Variants in FBXO11 observed in about 807,000 individuals in gnomAD.
FBXO11 encodes the protein F-box protein 11.
In FBXO11, 13 loss-of-function variants were observed where a neutral mutation model predicts 117.0. That is an observed-to-expected ratio of 0.11 (90% CI 0.07 to 0.18). FBXO11 has a LOEUF of 0.18. Among genes scored for constraint, FBXO11 ranks in the 10% least tolerant of loss-of-function variants. FBXO11 has a pLI of 1.00. For synonymous variants in FBXO11, 490 were observed against 380.5 expected (o/e 1.29, Z -3.35); for missense variants, 767 against 1,164.4 (o/e 0.66, Z 4.97).
intron 21 of FBXO11, chr2:47,808,675 C>G: frequency 5.1e-6 from 2 of 391,076 alleles, no homozygotes. Context: ...CTTTAAAAGC[C>G]TCTCAAATGT....
At chr2:47,886,283 G>C (rs1342981062) in intron 1 of FBXO11, among the ~76,000 whole-genome samples, 2 of 152,106 alleles carry the variant, frequency 1.3e-5, no homozygotes, top group Non-Finnish European at 2.9e-5. Flanking sequence ...GAGGCAGGCA[G>C]ATCACAAGGT....
At chr2:47,865,758 A>G (rs970669784) in intron 1 of FBXO11, 3 of 152,220 alleles carry the variant, frequency 2.0e-5, no homozygotes, top group Non-Finnish European at 4.4e-5. Flanking sequence ...TAGAGTCAAC[A>G]AAATGTGTTC....
rs141975291 is a variant in FBXO11, at chr2:47,886,776, A to G, written c.232+18713T>C. ...ACTTAGGTTACAAAATAATACACAC[A>G]GTACGGTTTGTTTTTAATGAAAAAA... On this transcript the variant is annotated intron_variant, in intron 1 of 22. Transcript: ENST00000403359. Among the ~76,000 whole-genome samples, 335 of 152,312 alleles carry G rather than the reference A, an allele frequency of 2.2e-3. 1 individual carries two copies. Among genetic ancestry groups the G allele is most frequent in the Non-Finnish European group, 3.8e-3 (260 of 68,020 alleles).
chr2:47,812,976 C>T (rs556147287), intron 18 of FBXO11: 4 of 466,116 alleles, frequency 8.6e-6, no homozygotes, highest in South Asian at 4.5e-5. Context: ...TTTAAAAGGT[C>T]CAGAGAATGT....
chr2:47,841,437 A>C (rs1241364124), intron 1 of FBXO11, among the ~76,000 whole-genome samples: 1 of 152,122 alleles, frequency 6.6e-6, no homozygotes, highest in African/African-American at 2.4e-5. Flanking sequence ...AAATCACAAA[A>C]ACAACCAGTA....
intron 1 of FBXO11, among the ~76,000 whole-genome samples, chr2:47,904,130 G>A (rs912617893): frequency 6.6e-6 from 1 of 152,142 alleles, no homozygotes; most frequent in Non-Finnish European, 1.5e-5. Context: ...GTATAACAAT[G>A]AAACCGTTTT....
intron 4 of FBXO11, among the ~76,000 whole-genome samples, chr2:47,837,853 C>A (rs1354890500): frequency 4.6e-5 from 7 of 152,180 alleles, no homozygotes; most frequent in Non-Finnish European, 2.9e-5. Flanking sequence ...GCCTCAGCCT[C>A]CGGAGTAGCT....
rs1431845313 is a variant in FBXO11, at chr2:47,905,536, G to T, written c.185C>A (p.Pro62Gln). 1 of 1,237,170 alleles carries T rather than the reference G, an allele frequency of 8.1e-7. No individual in the cohort carries two copies. The allele number at this position is 1,237,170 out of a possible 1,614,324, so 76.6% of individuals were successfully genotyped here. A position where few individuals can be genotyped will look rare whatever the true frequency, so the allele number is the denominator to read the frequency against. ...QQQQQPPPPPPPPPPLPQERN... is the reference protein window; with the variant it reads ...QQQQQPPPPPQPPPPLPQERN... ...CTCCTGAGGCAGCGGCGGAGGCGGC[G>T]GTGGCGGCGGCGGAGGCTGCTGCTG... Residue 62 changes from proline to glutamine, a missense_variant, in exon 1 of 23, where the codon CCG becomes CAG. Pro to Gln is a moderately conservative substitution (Grantham distance 76, BLOSUM62 -1). Transcript: ENST00000403359.
intron 12 of FBXO11, among the ~76,000 whole-genome samples, chr2:47,822,648 T>G (rs1220551693): frequency 6.6e-6 from 1 of 152,202 alleles, no homozygotes; most frequent in Non-Finnish European, 1.5e-5. Context: ...TAATTCATAG[T>G]GTCTGATTAG....
intron 1 of FBXO11, among the ~76,000 whole-genome samples, chr2:47,893,365 T>C (rs1448330439): frequency 2.7e-5 from 4 of 150,552 alleles, no homozygotes; most frequent in Admixed American, 6.6e-5. Context: ...TATATATATA[T>C]ATACACACAT....
Position 47,874,147 on chromosome 2 carries a change from G to C in FBXO11, c.232+31342C>G, listed in dbSNP as rs1268555875. ...GAGAATCGCTTGAACCTGGGAGGCG[G>C]AGCTTGCTGTGAGCAGAGATTGCAC... On this transcript the variant is annotated intron_variant, in intron 1 of 22. Transcript: ENST00000403359. Among the ~76,000 whole-genome samples the C allele has an allele frequency of 3.3e-5, 5 of 152,282 alleles. No homozygotes were observed. The South Asian group carries it at 1.0e-3, about 32-fold the overall frequency.
At chr2:47,882,122 A>G (rs1167224312) in intron 1 of FBXO11, among the ~76,000 whole-genome samples, 2 of 152,322 alleles carry the variant, frequency 1.3e-5, no homozygotes, top group East Asian at 3.9e-4. Context: ...TATCAGCTGA[A>G]GTTTATACTC....
chr2:47,837,595 C>T (rs1672682204), intron 4 of FBXO11, among the ~76,000 whole-genome samples: 2 of 152,076 alleles, frequency 1.3e-5, no homozygotes, highest in South Asian at 2.1e-4. Flanking sequence ...TACATATAAC[C>T]GTTGTAAAAC....
At chr2:47,833,401 G>C (rs1166847622) in intron 7 of FBXO11, among the ~76,000 whole-genome samples, 2 of 152,140 alleles carry the variant, frequency 1.3e-5, no homozygotes, top group African/African-American at 4.8e-5. Flanking sequence ...AAGAAGAGAA[G>C]AGACCTCTAT....
chr2:47,850,133 C>T (rs1468470437), intron 1 of FBXO11, among the ~76,000 whole-genome samples: 3 of 152,048 alleles, frequency 2.0e-5, no homozygotes, highest in African/African-American at 7.2e-5. Context: ...CAAGATAAAG[C>T]TCATAAAACT....
rs139756043 is a variant in FBXO11 at position 47,839,463 on chromosome 2, C to T, written c.398G>A (p.Arg133His). Residue 133 changes from arginine to histidine, a missense_variant, in exon 3 of 23, where the codon CGT becomes CAT. By Grantham distance (29) the Arg-to-His change is conservative. Coordinates refer to ENST00000403359, the MANE Select transcript of FBXO11 (RefSeq NM_001190274.2). Reference sequence around the variant, plus strand: ...TCCAGACACTCTTGCACGTTTTGCACGATGACCAAAGTTTTCTGTAGTTGA... The same window carrying T: ...TCCAGACACTCTTGCACGTTTTGCATGATGACCAAAGTTTTCTGTAGTTGA... ...STSTTENFGH[R>H]AKRARVSGKS... The T allele has an allele frequency of 2.3e-5, 37 of 1,613,956 alleles. No homozygotes were observed. The highest frequency in any genetic ancestry group is 5.3e-5 in the African/African-American group (4 of 75,036).
At chr2:47,842,356 T>C (rs1055064811) in intron 1 of FBXO11, among the ~76,000 whole-genome samples, 6 of 152,202 alleles carry the variant, frequency 3.9e-5, no homozygotes, top group South Asian at 2.1e-4. Context: ...AAAGGCTTAG[T>C]AGTAGCTGGC....
At chr2:47,869,421 T>G (rs1481986492) in intron 1 of FBXO11, among the ~76,000 whole-genome samples, 2 of 152,190 alleles carry the variant, frequency 1.3e-5, no homozygotes, top group Non-Finnish European at 2.9e-5. Context: ...GGTAACTAAC[T>G]CTACAATGAA....
intron 1 of FBXO11, among the ~76,000 whole-genome samples, chr2:47,875,643 CAT>C (rs1675946560): frequency 1.3e-5 from 2 of 151,966 alleles, no homozygotes; most frequent in African/African-American, 4.8e-5. Flanking sequence ...CTAATGGACT[CAT>C]ATGGTAACTG....
Sources: gnomAD v4.1 joint callset for allele counts (sites outside exome capture counted in the v4.1 genomes callset) on GRCh38, gnomAD v4.1.1 for gene constraint, MANE v1.5 for transcripts, NCBI Gene and HGNC (gene_info 2026-07-23, HGNC 2026-07-21) for gene names.